The following PEX19 variants were observed in gnomAD, a reference collection of about 807,000 sequenced individuals.
PEX19 encodes the protein 33 kDa housekeeping protein.
A neutral mutation model predicts 36.3 loss-of-function variants in PEX19; 29 were observed. That is an observed-to-expected ratio of 0.80 (90% CI 0.60 to 1.09). The LOEUF (loss-of-function observed/expected upper bound fraction) is 1.09. Ranked by LOEUF, PEX19 falls within the 50% of genes least tolerant of loss-of-function variation. PEX19 has a pLI of 0.00. For missense variants in PEX19, 396 were observed against 368.1 expected (o/e 1.08, Z -0.62); for synonymous variants, 141 against 135.2 (o/e 1.04, Z -0.30).
At chr1:160,282,245 G>A (rs1657802389) in intron 4 of PEX19, 45 bp from the exon 5 acceptor site, 1 of 1,596,500 alleles carries the variant, frequency 6.3e-7, no homozygotes, top group Non-Finnish European at 8.6e-7. Context: ...TACCTTCTTG[G>A]GATGCTCACC....
At chr1:160,284,324 C>T (rs139446163) in intron 1 of PEX19, 1 of 395,366 alleles carries the variant, frequency 2.5e-6, no homozygotes, top group East Asian at 7.2e-5. Context: ...CAAGCGATTA[C>T]AAATTCACCT....
chr1:160,277,212 TC>T lies in PEX19; in HGVS notation c.*2338del. 1 of 455,930 alleles carries T rather than the reference TC, an allele frequency of 2.2e-6. No homozygotes were observed. The highest frequency in any genetic ancestry group is 2.3e-5 in the Admixed American group (1 of 42,562). 28.2% of individuals were successfully genotyped at this position (455,930 alleles called of 1,614,324 possible). A position where few individuals can be genotyped will look rare whatever the true frequency, so the allele number is the denominator to read the frequency against. ...GTCAGTGAACACCTTTTTTTTTTTTTCACCAGTCTGTGACATGGTGAATTAG... is the reference window on the plus strand; with the variant it reads ...GTCAGTGAACACCTTTTTTTTTTTTTACCAGTCTGTGACATGGTGAATTAG... On this transcript the variant is annotated 3_prime_UTR_variant, in exon 8 of 8. Coordinates refer to ENST00000368072, the MANE Select transcript of PEX19 (RefSeq NM_002857.4).
At chr1:160,283,198 G>A (rs1387168776) in intron 2 of PEX19, 89 bp from the exon 3 acceptor site, 3 of 1,368,552 alleles carry the variant, frequency 2.2e-6, no homozygotes, top group Non-Finnish European at 2.1e-6. Flanking sequence ...GTGGCTATGG[G>A]AAATGCACCT....
chr1:160,283,114 G>C lies in PEX19; in HGVS notation c.181-5C>G, dbSNP rs199818690. ...TTGGGAAGCGAAGAGGGCATCCTGC[G>C]GGGGAAGGATGGCTGAAATGCGTCT... On this transcript the variant is annotated splice_polypyrimidine_tract_variant and splice_region_variant and intron_variant, in intron 2 of 7. Coordinates refer to ENST00000368072, the MANE Select transcript of PEX19 (RefSeq NM_002857.4). 16 of 1,612,982 alleles carry C rather than the reference G, an allele frequency of 9.9e-6. No homozygotes were observed. Among genetic ancestry groups the C allele is most frequent in the South Asian group, 2.2e-5 (2 of 90,990 alleles).
chr1:160,277,306 G>A lies in PEX19; in HGVS notation c.*2245C>T, dbSNP rs998788581. The A allele has an allele frequency of 4.4e-6, 2 of 455,792 alleles. No individual in the cohort carries two copies. The highest frequency in any genetic ancestry group is 2.0e-5 in the African/African-American group (1 of 49,996). 28.2% of individuals were successfully genotyped at this position (455,792 alleles called of 1,614,324 possible). ...TGTGATATCCAAGTACATGATCAAT[G>A]GACTTAACCTACAGAACAGTCTGGC... On this transcript the variant is annotated 3_prime_UTR_variant, in exon 8 of 8. Transcript: ENST00000368072.
chr1:160,281,198 C>A (rs1221150515), intron 5 of PEX19: 5 of 152,276 alleles, frequency 3.3e-5, no homozygotes, highest in South Asian at 2.1e-4. Flanking sequence ...GTAGTCCCAG[C>A]CACTCAGGAG....
rs1657611029 is a variant in PEX19, at chr1:160,278,070, T to A, written c.*1481A>T. ...GACTCATAATGCATGTGAATTTGCT[T>A]TGGAGAGACTTATCTTCTGAGTGAA... On this transcript the variant is annotated 3_prime_UTR_variant, in exon 8 of 8. Transcript: ENST00000368072. 2 of 702,334 alleles carry A rather than the reference T, an allele frequency of 2.8e-6. No homozygotes were observed. Among genetic ancestry groups the A allele is most frequent in the African/African-American group, 3.5e-5 (2 of 57,228 alleles). The allele number at this position is 702,334 out of a possible 1,614,324, so 43.5% of individuals were successfully genotyped here.
At position 160,283,115 on chromosome 1, in the gene PEX19, G is replaced by A. The variant is rs570376017; in HGVS notation, c.181-6C>T. On this transcript the variant is annotated splice_polypyrimidine_tract_variant and splice_region_variant and intron_variant, in intron 2 of 7. Coordinates refer to ENST00000368072, the MANE Select transcript of PEX19 (RefSeq NM_002857.4). Reference sequence around the variant, plus strand: ...TGGGAAGCGAAGAGGGCATCCTGCGGGGGAAGGATGGCTGAAATGCGTCTC... The same window carrying A: ...TGGGAAGCGAAGAGGGCATCCTGCGAGGGAAGGATGGCTGAAATGCGTCTC... The A allele has an allele frequency of 2.5e-6, 4 of 1,612,850 alleles. No homozygotes were observed. The East Asian group carries it at 8.9e-5, about 36-fold the overall frequency.
In PEX19 at chr1:160,282,078, C is replaced by G; in HGVS notation, c.555G>C (p.Lys185Asn). Residue 185 changes from lysine to asparagine, a missense_variant, in exon 5 of 8, where the codon AAG becomes AAC. By Grantham distance (94) the Lys-to-Asn change is moderately conservative. Coordinates refer to ENST00000368072, the MANE Select transcript of PEX19 (RefSeq NM_002857.4). ...CCTTCAGTGATGGGTACAGCACATC[C>G]TTGGAGAGTAGGTTCTGCATAATAC... ...MQSIMQNLLS[K>N]DVLYPSLKEI... 1 of 1,614,068 alleles carries G rather than the reference C, an allele frequency of 6.2e-7. No homozygotes were observed. The highest frequency in any genetic ancestry group is 1.6e-4 in the Middle Eastern group (1 of 6,062).
rs1657572447 is a variant in PEX19 at position 160,277,170 on chromosome 1, T to C, written c.*2381A>G. ...CCAAAACAGTGCTACTCAAAGATGA[T>C]CTGCAGACTTGTGCTGGTCAGTGAA... On this transcript the variant is annotated 3_prime_UTR_variant, in exon 8 of 8. Coordinates refer to ENST00000368072, the MANE Select transcript of PEX19 (RefSeq NM_002857.4). 3 of 454,184 alleles carry C rather than the reference T, an allele frequency of 6.6e-6. No homozygotes were observed. Among genetic ancestry groups the C allele is most frequent in the South Asian group, 1.6e-5 (1 of 64,488 alleles). 28.1% of individuals were successfully genotyped at this position (454,184 alleles called of 1,614,324 possible).
chr1:160,281,925 G>A, intron 5 of PEX19, 114 bp downstream of exon 5: 3 of 895,628 alleles, frequency 3.3e-6, no homozygotes, highest in Non-Finnish European at 5.4e-6. Flanking sequence ...AATAAAGAAG[G>A]AAAAAAAGCA....
chr1:160,280,727 C>G (rs1235483111), intron 5 of PEX19, among the ~76,000 whole-genome samples: 1 of 152,074 alleles, frequency 6.6e-6, no homozygotes, highest in African/African-American at 2.4e-5. Context: ...TCATGTTGCT[C>G]AAGCTGGTCT....
At chr1:160,283,414 A>C (rs910747966) in intron 2 of PEX19, 116 bp downstream of exon 2, 1 of 737,060 alleles carries the variant, frequency 1.4e-6, no homozygotes, top group African/African-American at 1.8e-5. Flanking sequence ...GCACTCACCA[A>C]TGTGAGGCCA....
Position 160,285,035 on chromosome 1 carries a change from T to C in PEX19, c.70+20A>G. The C allele has an allele frequency of 6.3e-7, 1 of 1,592,316 alleles. No homozygotes were observed. The highest frequency in any genetic ancestry group is 8.6e-7 in the Non-Finnish European group (1 of 1,160,026). On this transcript the variant is annotated intron_variant, in intron 1 of 7. Transcript: ENST00000368072. ...CCTCACACGTGCCCTCTTCGGGCCT[T>C]TCCCACTATGGGCTCTTACTTTCCA...
At chr1:160,280,969 T>C (rs1460451791) in intron 5 of PEX19, among the ~76,000 whole-genome samples, 1 of 152,198 alleles carries the variant, frequency 6.6e-6, no homozygotes, top group African/African-American at 2.4e-5. Flanking sequence ...TTTCCCCATG[T>C]CACTGAAAAG....
chr1:160,282,188 A>G lies in PEX19; in HGVS notation c.445T>C (p.Ser149Pro). The change falls in exon 5 of 8, where the codon TCG becomes CCG. Residue 149 changes from serine (S) to proline (P), a missense_variant. Ser to Pro is a moderately conservative substitution (Grantham distance 74). Transcript: ENST00000368072. ...NATDLQNSSM[S>P]EEELTKAMEG... ...ATGGCCTTGGTCAGCTCTTCTTCCGACATGCTGGAGTTCTAGATAGGACAA... is the reference window on the plus strand; with the variant it reads ...ATGGCCTTGGTCAGCTCTTCTTCCGGCATGCTGGAGTTCTAGATAGGACAA... 6.2e-7 allele frequency: 1 copy of G among 1,614,036 alleles called. No individual in the cohort carries two copies. The highest frequency in any genetic ancestry group is 8.5e-7 in the Non-Finnish European group (1 of 1,180,000).
At position 160,277,385 on chromosome 1, in the gene PEX19, T is replaced by C. The variant is rs1657584380; in HGVS notation, c.*2166A>G. On this transcript the variant is annotated 3_prime_UTR_variant, in exon 8 of 8. Transcript: ENST00000368072. ...TCGGCAGCACACAGTGTGAACTCCA[T>C]ACCTGTCATGGGCAATAGGAATGCA... 1 of 455,976 alleles carries C rather than the reference T, an allele frequency of 2.2e-6. No individual in the cohort carries two copies. The highest frequency in any genetic ancestry group is 4.4e-6 in the Non-Finnish European group (1 of 226,812). The allele number at this position is 455,976 out of a possible 1,614,324, so 28.2% of individuals were successfully genotyped here.
rs1418284972 is a variant in PEX19, at chr1:160,278,970, C to T, written c.*581G>A. 1 of 454,096 alleles carries T rather than the reference C, an allele frequency of 2.2e-6. No homozygotes were observed. Among genetic ancestry groups the T allele is most frequent in the Admixed American group, 2.3e-5 (1 of 42,574 alleles). The allele number at this position is 454,096 out of a possible 1,614,324, so 28.1% of individuals were successfully genotyped here. ...CCTAGAGAGAGGAGAATCCTAAGGC[C>T]TCTCTTTCAACTCTATTGTGATTAG... On this transcript the variant is annotated 3_prime_UTR_variant, in exon 8 of 8. Coordinates refer to ENST00000368072, the MANE Select transcript of PEX19 (RefSeq NM_002857.4).
At chr1:160,283,252 A>C in intron 2 of PEX19, 143 bp from the exon 3 acceptor site, 1 of 943,864 alleles carries the variant, frequency 1.1e-6, no homozygotes, top group African/African-American at 1.6e-5. Context: ...ACTGCTCCTA[A>C]TGAGGATAGC....
Sources: gnomAD v4.1 joint callset for allele counts (sites outside exome capture counted in the v4.1 genomes callset) on GRCh38, gnomAD v4.1.1 for gene constraint, MANE v1.5 for transcripts, NCBI Gene and HGNC (gene_info 2026-07-23, HGNC 2026-07-21) for gene names.